Variants in UNKL observed in about 807,000 individuals in gnomAD.
UNKL encodes unk like zinc finger, also known as putative E3 ubiquitin-protein ligase UNKL.
A neutral mutation model predicts 78.0 loss-of-function variants in UNKL; 60 were observed. That is an observed-to-expected ratio of 0.77 (90% CI 0.63 to 0.95). The LOEUF (loss-of-function observed/expected upper bound fraction) is 0.95, where lower values mean the gene tolerates loss of function less well. Among genes scored for constraint, UNKL ranks in the 40% least tolerant of loss-of-function variants. The pLI is 0.00. For synonymous variants in UNKL, 608 were observed against 474.8 expected, an observed-to-expected ratio of 1.28 and a Z score of -3.65; for missense variants, 1,159 against 1,045.7, an observed-to-expected ratio of 1.11 and a Z score of -1.49.
Position 1,413,966 on chromosome 16 carries a change from T to A in UNKL, c.167A>T (p.His56Leu). ...CCTGCGGCGCCGCTGGTTGAGGAAG[T>A]GCCAGTGGAAGCAGGTGAACGGCCG... ...QHRPFTCFHW[H>L]FLNQRRRRPL... Residue 56 changes from histidine (H) to leucine (L), a missense_variant, in exon 2 of 15, where the codon CAC (histidine) becomes CTC (leucine). By Grantham distance (99) the His-to-Leu change is moderately conservative (BLOSUM62 -3). Coordinates refer to ENST00000389221, the MANE Select transcript of UNKL (RefSeq NM_001372107.1). 6.4e-7 allele frequency: 1 copy of A among 1,552,736 alleles called. No individual in the cohort carries two copies. Among genetic ancestry groups the A allele is most frequent in the Admixed American group, 2.0e-5 (1 of 51,140 alleles).
chr16:1,400,996 G>A (rs2037500709), intron 4 of UNKL, among the ~76,000 whole-genome samples: 2 of 151,912 alleles, frequency 1.3e-5, no homozygotes, highest in Non-Finnish European at 2.9e-5. Flanking sequence ...GCCTTACCAC[G>A]TTTTTTTTCA....
At chr16:1,393,387 C>T (rs377106008) in intron 7 of UNKL, among the ~76,000 whole-genome samples, 16 of 151,622 alleles carry the variant, frequency 1.1e-4, no homozygotes, top group South Asian at 2.1e-4. Flanking sequence ...TGGAGGAGGC[C>T]GCATGGGTTC....
chr16:1,380,141 G>T (rs962191873), intron 10 of UNKL, among the ~76,000 whole-genome samples: 1 of 152,250 alleles, frequency 6.6e-6, no homozygotes, highest in African/African-American at 2.4e-5. Flanking sequence ...CCTATGAAGT[G>T]TAAGATGAAG....
At chr16:1,404,613 T>C (rs1211490730) in intron 2 of UNKL, among the ~76,000 whole-genome samples, 3 of 152,054 alleles carry the variant, frequency 2.0e-5, no homozygotes, top group Admixed American at 6.6e-5. Flanking sequence ...TGCTCCTAAG[T>C]ACACATCCAA....
chr16:1,381,226 C>T (rs1374758516), intron 10 of UNKL, among the ~76,000 whole-genome samples: 2 of 152,184 alleles, frequency 1.3e-5, no homozygotes, highest in African/African-American at 2.4e-5. Flanking sequence ...TTTAATTTTC[C>T]TAAATATTTT....
chr16:1,406,207 C>A, intron 2 of UNKL: 1 of 318,048 alleles, frequency 3.1e-6, no homozygotes, highest in South Asian at 2.2e-5. Context: ...CCATGCCGGG[C>A]TATATTGCTA....
intron 10 of UNKL, among the ~76,000 whole-genome samples, chr16:1,376,905 G>A (rs1248603017): frequency 6.6e-6 from 1 of 152,042 alleles, no homozygotes; most frequent in Non-Finnish European, 1.5e-5. Flanking sequence ...CCCAGACCTC[G>A]CACCAGCAAA....
At chr16:1,406,803 A>C (rs1286550579) in intron 2 of UNKL, among the ~76,000 whole-genome samples, 1 of 152,120 alleles carries the variant, frequency 6.6e-6, no homozygotes. Flanking sequence ...GGCATTCAAC[A>C]TTTTAAAATT....
chr16:1,376,938 T>C (rs2036275479), intron 10 of UNKL, among the ~76,000 whole-genome samples: 1 of 152,042 alleles, frequency 6.6e-6, no homozygotes, highest in African/African-American at 2.4e-5. Flanking sequence ...CAGCGAACCC[T>C]GGGATAAGAG....
chr16:1,400,250 C>G (rs1247041414), intron 4 of UNKL, among the ~76,000 whole-genome samples: 1 of 151,548 alleles, frequency 6.6e-6, no homozygotes, highest in Non-Finnish European at 1.5e-5. Context: ...GAAACCCCGT[C>G]TCTACTAAAA....
chr16:1,393,427 G>C (rs951772249), intron 7 of UNKL, among the ~76,000 whole-genome samples: 6 of 150,072 alleles, frequency 4.0e-5, no homozygotes, highest in African/African-American at 1.5e-4. Flanking sequence ...GGGCTGCCAG[G>C]AAACCCACTG....
rs1157224343 is a variant in UNKL at position 1,414,052 on chromosome 16, G to A, written c.81C>T (p.Tyr27=). 4 of 1,545,568 alleles carry A rather than the reference G, an allele frequency of 2.6e-6. No homozygotes were observed. In the Admixed American group the frequency reaches 7.9e-5, roughly 30 times the overall value. ...PQTEKPTHYR[Y]LKEFRTEQCP... ...ACTGCTCCGTCCTGAACTCCTTCAGGTACCTACAAACACAGACAGCGCCGC... is the reference window on the plus strand; with the variant it reads ...ACTGCTCCGTCCTGAACTCCTTCAGATACCTACAAACACAGACAGCGCCGC... The change falls in exon 2 of 15, where the codon TAC becomes TAT. Residue 27 remains tyrosine, a synonymous_variant. Transcript: ENST00000389221.
rs2141909880 is a variant in UNKL, at chr16:1,367,000, A to AG, written c.2046+91dup. 3 of 1,436,388 alleles carry AG rather than the reference A, an allele frequency of 2.1e-6. No homozygotes were observed. In the South Asian group the frequency reaches 4.4e-5, roughly 21 times the overall value. The allele number at this position is 1,436,388 out of a possible 1,614,324, so 89.0% of individuals were successfully genotyped here. A position where few individuals can be genotyped will look rare whatever the true frequency, so the allele number is the denominator to read the frequency against. On this transcript the variant is annotated intron_variant, in intron 14 of 14. Coordinates refer to ENST00000389221, the MANE Select transcript of UNKL (RefSeq NM_001372107.1). ...GAGCAGACCCTGGGGCAGGGGAGGAAGGGGACACCGCACCAGCCAGGGCCC... is the reference window on the plus strand; with the variant it reads ...GAGCAGACCCTGGGGCAGGGGAGGAAGGGGGACACCGCACCAGCCAGGGCCC...
chr16:1,402,695 T>G (rs377646872), intron 3 of UNKL, among the ~76,000 whole-genome samples: 121 of 148,474 alleles, frequency 8.1e-4, no homozygotes, highest in African/African-American at 2.8e-3. Flanking sequence ...AAGAAAGAAA[T>G]AACATCCAGA....
chr16:1,378,348 G>A (rs898953571), intron 10 of UNKL, among the ~76,000 whole-genome samples: 7 of 152,214 alleles, frequency 4.6e-5, no homozygotes, highest in Non-Finnish European at 7.3e-5. Flanking sequence ...ACCTGGACCT[G>A]CCCTCTGCAC....
intron 7 of UNKL, among the ~76,000 whole-genome samples, chr16:1,393,361 G>A (rs2037129682): frequency 6.6e-6 from 1 of 151,752 alleles, no homozygotes; most frequent in Admixed American, 6.6e-5. Context: ...CTGCGAGGAG[G>A]AAACCCACTG....
Position 1,376,008 on chromosome 16 carries a change from C to G in UNKL, c.1265-4397G>C, listed in dbSNP as rs368801310. Among the ~76,000 whole-genome samples, 5 of 152,216 alleles carry G rather than the reference C, an allele frequency of 3.3e-5. No homozygotes were observed. In the East Asian group the frequency reaches 9.6e-4, roughly 29 times the overall value. On this transcript the variant is annotated intron_variant, in intron 10 of 14. Coordinates refer to ENST00000389221, the MANE Select transcript of UNKL (RefSeq NM_001372107.1). ...CAGTGGCAGAGGACCACGCACTGAG[C>G]GGCCTTGGACAGGTGGCTCCAAGGC...
chr16:1,385,917 G>A (rs1054331497), intron 9 of UNKL, among the ~76,000 whole-genome samples: 1 of 152,256 alleles, frequency 6.6e-6, no homozygotes, highest in African/African-American at 2.4e-5. Context: ...CTCGTCACCA[G>A]GGAAAGTAAA....
chr16:1,406,334 T>G (rs927015160), intron 2 of UNKL, among the ~76,000 whole-genome samples: 1 of 151,860 alleles, frequency 6.6e-6, no homozygotes, highest in African/African-American at 2.4e-5. Flanking sequence ...TGCCTCAGCC[T>G]CCCGAGTAAC....
Sources: allele counts gnomAD v4.1 joint callset (sites outside exome capture counted in the v4.1 genomes callset), GRCh38; gene constraint gnomAD v4.1.1; transcripts MANE v1.5; gene names NCBI Gene and HGNC (gene_info 2026-07-23, HGNC 2026-07-21).